Variants in KCNC3 observed in about 807,000 individuals in gnomAD.
KCNC3 encodes potassium voltage-gated channel subfamily C member 3, also known as voltage-gated potassium channel KCNC3.
Under a neutral mutation model 43.9 loss-of-function variants are expected in KCNC3, and 22 were observed. That is an observed-to-expected ratio of 0.50 (90% confidence interval 0.36 to 0.72). The LOEUF (loss-of-function observed/expected upper bound fraction) is 0.72, where lower values mean the gene tolerates loss of function less well. Ranked by LOEUF, KCNC3 falls within the 30% of genes least tolerant of loss-of-function variation. The probability of loss-of-function intolerance (pLI) is 0.00; values close to 1 mark genes in which losing one functional copy is unlikely to be tolerated. For missense variants in KCNC3, 829 were observed against 1,073.8 expected, an observed-to-expected ratio of 0.77 and a Z score of 3.19; for synonymous variants, 492 against 488.0, an observed-to-expected ratio of 1.01 and a Z score of -0.11.
chr19:50,323,106 C>G lies in KCNC3; in HGVS notation c.1847G>C (p.Gly616Ala). 6.5e-7 allele frequency: 1 copy of G among 1,538,858 alleles called. No individual in the cohort carries two copies. Among genetic ancestry groups the G allele is most frequent in the African/African-American group, 1.4e-5 (1 of 72,988 alleles). ...GAGCAGCCCGGGGTGCGTGTGGGGC[C>G]CCGCTGGGTAGGCCCCGGCCACAGT... ...GVTVAGAYPA[G>A]PHTHPGLLRG... Residue 616 changes from glycine to alanine, a missense_variant, in exon 2 of 5, where the codon GGG (glycine) becomes GCG (alanine). Gly to Ala is a moderately conservative substitution (Grantham distance 60, BLOSUM62 0). Around this residue, in one of 7 missense-constraint regions of KCNC3, gnomAD observed 308 missense variants for 276.2 expected, o/e 1.11. Coordinates refer to ENST00000477616, the MANE Select transcript of KCNC3 (RefSeq NM_004977.3).
Position 50,329,086 on chromosome 19 carries a change from A to C in KCNC3, c.-4T>G. 2 of 190,324 alleles carry C rather than the reference A, an allele frequency of 1.1e-5. No homozygotes were observed. Among genetic ancestry groups the C allele is most frequent in the Non-Finnish European group, 1.5e-5 (2 of 136,114 alleles). The allele number at this position is 190,324 out of a possible 1,614,324, so 11.8% of individuals were successfully genotyped here. A position where few individuals can be genotyped will look rare whatever the true frequency, so the allele number is the denominator to read the frequency against. On this transcript the variant is annotated 5_prime_UTR_variant, in exon 1 of 5. Transcript: ENST00000477616. ...AGACGCAGACTGAGCTCAGCATTGG[A>C]CGGGGGGCGGGGCGGGAGGGGCGGG... is the stretch of plus-strand genomic sequence containing the variant.
At chr19:50,330,087 T>C (rs543984910), upstream of KCNC3, among the ~76,000 whole-genome samples, 3 of 152,040 alleles carry the variant, frequency 2.0e-5, no homozygotes, top group Admixed American at 1.3e-4. Flanking sequence ...GCCAAAATGG[T>C]GAAGCCCCGC....
Position 50,312,449 on chromosome 19 carries a change from G to A in KCNC3, c.*3666C>T, listed in dbSNP as rs35621749. 8.1e-3 allele frequency: 1,239 copies of A among 152,308 alleles called. 3 individuals are homozygous for A. Among genetic ancestry groups the A allele is most frequent in the Middle Eastern group, 0.014 (4 of 296 alleles). The allele number at this position is 152,308 out of a possible 1,614,324, so 9.4% of individuals were successfully genotyped here. A position where few individuals can be genotyped will look rare whatever the true frequency, so the allele number is the denominator to read the frequency against. On this transcript the variant is annotated 3_prime_UTR_variant, in exon 5 of 5. Transcript: ENST00000477616. ...GAGGGGTGCGACATGCGTGTGGGGG[G>A]CGCGTCATGCAGCGCATGCGTGTAG...
rs1485497043 is a variant in KCNC3 at position 50,313,295 on chromosome 19, C to T, written c.*2820G>A. 6.6e-6 allele frequency: 1 copy of T among 152,196 alleles called. No homozygotes were observed. The highest frequency in any genetic ancestry group is 1.5e-5 in the Non-Finnish European group (1 of 68,036). The allele number at this position is 152,196 out of a possible 1,614,324, so 9.4% of individuals were successfully genotyped here. On this transcript the variant is annotated 3_prime_UTR_variant, in exon 5 of 5. Coordinates refer to ENST00000477616, the MANE Select transcript of KCNC3 (RefSeq NM_004977.3). ...TCTGATACTCCAGTGTTCCTCCCTT[C>T]GGGAACAGCCTCTGTGATCATCTGT...
intron 1 of KCNC3, among the ~76,000 whole-genome samples, chr19:50,325,823 G>A (rs1473681217): frequency 1.3e-5 from 2 of 151,682 alleles, no homozygotes; most frequent in African/African-American, 4.8e-5. Flanking sequence ...CCCCTTCCGG[G>A]CCGGAGCCTA....
rs1408421325 is a variant in KCNC3, at chr19:50,328,785, C to G, written c.298G>C (p.Glu100Gln). The G allele has an allele frequency of 1.9e-6, 3 of 1,569,836 alleles. No individual in the cohort carries two copies. The highest frequency in any genetic ancestry group is 2.6e-6 in the Non-Finnish European group (3 of 1,160,372). The part of the protein sequence containing the change: ...IVINVGGVRH[E>Q]TYRSTLRTLP... ...GTGCGCAGCGTCGAGCGGTACGTCT[C>G]ATGGCGCACGCCGCCCACGTTGATC... is the stretch of plus-strand genomic sequence containing the variant. The change falls in exon 1 of 5, where the codon GAG (glutamate) becomes CAG (glutamine). Residue 100 changes from glutamate to glutamine, a missense_variant. This residue lies in a region of KCNC3 where 121 missense variants were observed against 247.4 expected (regional missense o/e 0.49). Transcript: ENST00000477616.
intron 4 of KCNC3, among the ~76,000 whole-genome samples, chr19:50,319,139 G>A (rs1216491992): frequency 6.6e-6 from 1 of 152,088 alleles, no homozygotes; most frequent in Non-Finnish European, 1.5e-5. Context: ...GTAGGTACTT[G>A]GTGATATTTG....
Position 50,323,827 on chromosome 19 carries a change from A to C in KCNC3, c.1126T>G (p.Phe376Val). The change falls in exon 2 of 5, where the codon TTT becomes GTT. Residue 376 changes from phenylalanine to valine, a missense_variant. Coordinates refer to ENST00000477616, the MANE Select transcript of KCNC3 (RefSeq NM_004977.3). Reference sequence around the variant, plus strand: ...ATGATGTTGAGGCTGCTTTTAAGAAACTCCACCTTGTCTGGGCAGAAGGTG... The same window carrying C: ...ATGATGTTGAGGCTGCTTTTAAGAACCTCCACCTTGTCTGGGCAGAAGGTG... ...RITFCPDKVE[F>V]LKSSLNIIDC... 6.2e-7 allele frequency: 1 copy of C among 1,613,716 alleles called. No homozygotes were observed. The highest frequency in any genetic ancestry group is 8.5e-7 in the Non-Finnish European group (1 of 1,179,944).
Position 50,320,734 on chromosome 19 carries a change from A to G in KCNC3, c.2029T>C (p.Cys677Arg). The G allele has an allele frequency of 1.2e-6, 2 of 1,613,928 alleles. No individual in the cohort carries two copies. The highest frequency in any genetic ancestry group is 1.7e-6 in the Non-Finnish European group (2 of 1,179,948). Reference protein sequence around the residue: ...PAAAALAHEDCPAIDQPAMSP... With the variant: ...PAAAALAHEDRPAIDQPAMSP... ...ATGGCAGGCTGGTCAATGGCTGGGC[A>G]GTCCTCGTGGGCAAGCGCAGCTGCT... is the stretch of plus-strand genomic sequence containing the variant. The change falls in exon 3 of 5, where the codon TGC (cysteine) becomes CGC (arginine). Residue 677 changes from cysteine (C) to arginine (R), a missense_variant. Cys to Arg is a radical substitution (Grantham distance 180). Coordinates refer to ENST00000477616, the MANE Select transcript of KCNC3 (RefSeq NM_004977.3).
At chr19:50,316,570 T>C (rs779696370) in intron 4 of KCNC3, among the ~76,000 whole-genome samples, 20 of 152,044 alleles carry the variant, frequency 1.3e-4, no homozygotes, top group Non-Finnish European at 2.5e-4. Context: ...ACCCCATCTC[T>C]ACTAAAAATC....
Position 50,323,775 on chromosome 19 carries a change from T to G in KCNC3, c.1178A>C (p.Tyr393Ser). 1 of 1,614,174 alleles carries G rather than the reference T, an allele frequency of 6.2e-7. No homozygotes were observed. The highest frequency in any genetic ancestry group is 8.5e-7 in the Non-Finnish European group (1 of 1,180,036). The change falls in exon 2 of 5, where the codon TAT becomes TCT. Residue 393 changes from tyrosine (Y) to serine (S), a missense_variant. This residue lies in a region of KCNC3 where 157 missense variants were observed against 293.5 expected (regional missense o/e 0.53). Coordinates refer to ENST00000477616, the MANE Select transcript of KCNC3 (RefSeq NM_004977.3). Reference protein sequence around the residue: ...IIDCVAILPFYLEVGLSGLSS... With the variant: ...IIDCVAILPFSLEVGLSGLSS... ...GAGGCCCGAGAGGCCCACCTCGAGA[T>G]AGAAGGGCAGGATGGCCACACAGTC...
chr19:50,328,504 G>A lies in KCNC3; in HGVS notation c.579C>T (p.Arg193=), dbSNP rs138237939. 1 of 1,610,242 alleles carries A rather than the reference G, an allele frequency of 6.2e-7. No homozygotes were observed. Among genetic ancestry groups the A allele is most frequent in the East Asian group, 2.2e-5 (1 of 44,776 alleles). Residue 193 remains arginine (R), a synonymous_variant, in exon 1 of 5, where the codon CGC becomes CGT. Transcript: ENST00000477616. ...AGGAGTCGAGCGCCTCCTCAGCGTCGCGATGCTGCCGGTAGGTCATCCAGC... is the reference window on the plus strand; with the variant it reads ...AGGAGTCGAGCGCCTCCTCAGCGTCACGATGCTGCCGGTAGGTCATCCAGC... The part of the protein sequence containing the change: ...ACCWMTYRQH[R]DAEEALDSFE...
chr19:50,333,140 G>T (rs1256333709), upstream of KCNC3, among the ~76,000 whole-genome samples: 1 of 152,202 alleles, frequency 6.6e-6, no homozygotes, highest in African/African-American at 2.4e-5. Flanking sequence ...GATTCGGGCT[G>T]TCTTACCGCC....
chr19:50,320,729 TG>T lies in KCNC3; in HGVS notation c.2033del (p.Pro678GlnfsTer94). 1 of 1,613,882 alleles carries T rather than the reference TG, an allele frequency of 6.2e-7. No homozygotes were observed. Among genetic ancestry groups the T allele is most frequent in the African/African-American group, 1.3e-5 (1 of 74,926 alleles). On this transcript the variant is annotated frameshift_variant, in exon 3 of 5. Transcript: ENST00000477616. LOFTEE classifies it high-confidence loss of function. The stretch of plus-strand genomic sequence containing the variant: ...GGGACATGGCAGGCTGGTCAATGGC[TG>T]GGCAGTCCTCGTGGGCAAGCGCAGC... ...AAAALAHEDCPAIDQPAMSPE... is the reference protein window; with the variant it reads ...AAAALAHEDCXAIDQPAMSPE...
In KCNC3 at chr19:50,314,463, T is replaced by C; in HGVS notation, c.*1652A>G. ...CCCGCGCATGCGGCCCCTGGCGGCT[T>C]ATTGCTGAGGTGGACTTGGAGTGGG... On this transcript the variant is annotated 3_prime_UTR_variant, in exon 5 of 5. Transcript: ENST00000477616. The C allele has an allele frequency of 5.7e-6, 1 of 176,646 alleles. No homozygotes were observed. Among genetic ancestry groups the C allele is most frequent in the South Asian group, 1.0e-4 (1 of 10,018 alleles). The allele number at this position is 176,646 out of a possible 1,614,324, so 10.9% of individuals were successfully genotyped here. A position where few individuals can be genotyped will look rare whatever the true frequency, so the allele number is the denominator to read the frequency against.
upstream of KCNC3, among the ~76,000 whole-genome samples, chr19:50,330,281 TAAAAG>T (rs373539921): frequency 4.3e-4 from 65 of 150,886 alleles, no homozygotes; most frequent in African/African-American, 1.4e-3. Flanking sequence ...AATAAATAAA[TAAAAG>T]AAAAAGAAAA....
chr19:50,330,247 A>G (rs2123552001), upstream of KCNC3, among the ~76,000 whole-genome samples: 1 of 152,270 alleles, frequency 6.6e-6, no homozygotes, highest in Admixed American at 6.5e-5. Context: ...AGCCTGGGCG[A>G]CAGAGCGAGA....
rs758704587 is a variant in KCNC3, at chr19:50,324,056, G to A, written c.897C>T (p.Phe299=). 6 of 1,601,884 alleles carry A rather than the reference G, an allele frequency of 3.7e-6. No homozygotes were observed. Among genetic ancestry groups the A allele is most frequent in the Non-Finnish European group, 5.1e-6 (6 of 1,172,896 alleles). Residue 299 remains phenylalanine, a synonymous_variant, in exon 2 of 5, where the codon TTC becomes TTT. Transcript: ENST00000477616. This position sits in a 1 kb window ranked among gnomAD's most constrained non-coding sequence, Gnocchi z 4.1. The part of the protein sequence containing the change: ...ARYVAFASLF[F]ILISITTFCL... ...AGAAGGTGGTGATGGAGATGAGGATGAAGAAGAGGGAGGCGAAGGCCACAT... is the reference window on the plus strand; with the variant it reads ...AGAAGGTGGTGATGGAGATGAGGATAAAGAAGAGGGAGGCGAAGGCCACAT...
chr19:50,326,396 T>C (rs571507703), intron 1 of KCNC3, among the ~76,000 whole-genome samples: 23 of 152,222 alleles, frequency 1.5e-4, no homozygotes, highest in African/African-American at 5.5e-4. Context: ...CACCTCCTCT[T>C]CCCCACCTCC....
Sources: gnomAD v4.1 joint callset for allele counts (sites outside exome capture counted in the v4.1 genomes callset) on GRCh38, gnomAD v4.1.1 for gene constraint, gnomAD v4.1.1 regional missense constraint, Gnocchi (gnomAD v3.1) non-coding constraint, MANE v1.5 for transcripts, NCBI Gene and HGNC (gene_info 2026-07-23, HGNC 2026-07-21) for gene names.